Variants in UNC13A observed in about 807,000 individuals in gnomAD.
UNC13A encodes protein unc-13 homolog A.
Under a neutral mutation model 219.7 loss-of-function variants are expected in UNC13A, and 61 were observed. That is an observed-to-expected ratio of 0.28 (90% CI 0.23 to 0.34). The LOEUF (loss-of-function observed/expected upper bound fraction) is 0.34. UNC13A is among the 10% of genes least tolerant of loss of function. UNC13A has a pLI of 1.00. For missense variants in UNC13A, 1,476 were observed against 2,270.3 expected (o/e 0.65, Z 7.11); for synonymous variants, 920 against 884.6 (o/e 1.04, Z -0.71).
At position 17,659,725 on chromosome 19, in the gene UNC13A, C is replaced by T. The variant is rs971750137; in HGVS notation, c.560-1456G>A. Among the ~76,000 whole-genome samples, 6 of 151,992 alleles carry T rather than the reference C, an allele frequency of 3.9e-5. No homozygotes were observed. In the South Asian group the frequency reaches 1.0e-3, roughly 26 times the overall value. On this transcript the variant is annotated intron_variant, in intron 8 of 43. Coordinates refer to ENST00000519716, the MANE Select transcript of UNC13A (RefSeq NM_001080421.3). ...TCGAGGTAGCAGTGAGCTATGATTA[C>T]GCCTCTGCACTGCAGTCTGGGTGTC...
Position 17,648,456 on chromosome 19 carries a change from G to T in UNC13A, c.1791C>A (p.Asp597Glu). ...GCTGCAGGCAGTCGGCGTTGAGCAG[G>T]TCCTGGCACTTCTCGTGGCACTTGA... is the stretch of plus-strand genomic sequence containing the variant. ...CGVKCHEKCQ[D>E]LLNADCLQRA... The change falls in exon 16 of 44, where the codon GAC (aspartate) becomes GAA (glutamate). Residue 597 changes from aspartate (D) to glutamate (E), a missense_variant. Transcript: ENST00000519716. 6.2e-7 allele frequency: 1 copy of T among 1,607,204 alleles called. No individual in the cohort carries two copies. Among genetic ancestry groups the T allele is most frequent in the Non-Finnish European group, 8.5e-7 (1 of 1,179,204 alleles).
chr19:17,611,421 G>A (rs1353004345), intron 42 of UNC13A, among the ~76,000 whole-genome samples: 4 of 152,128 alleles, frequency 2.6e-5, no homozygotes, highest in Non-Finnish European at 4.4e-5. Flanking sequence ...GGCCTGATCC[G>A]CCAGCTTTGG....
chr19:17,625,107 G>C (rs981686464), intron 34 of UNC13A, among the ~76,000 whole-genome samples, 155 bp from the exon 35 acceptor site: 1 of 152,180 alleles, frequency 6.6e-6, no homozygotes, highest in African/African-American at 2.4e-5. Context: ...TATGATATCT[G>C]ATGCATGAAG....
In UNC13A at chr19:17,630,139, C is replaced by G; in HGVS notation, c.3669+6G>C. The G allele has an allele frequency of 6.4e-7, 1 of 1,551,844 alleles. No homozygotes were observed. On this transcript the variant is annotated splice_donor_region_variant and intron_variant, in intron 30 of 43. Transcript: ENST00000519716. The stretch of plus-strand genomic sequence containing the variant: ...CCTAGCCCCAACCCTACCCACTCTC[C>G]CACACCTTGGCAAAGCGCCTCATGT...
intron 2 of UNC13A, among the ~76,000 whole-genome samples, chr19:17,675,275 A>G (rs1308370275): frequency 4.6e-5 from 7 of 151,922 alleles, no homozygotes; most frequent in East Asian, 1.9e-4. Flanking sequence ...TTGAGGCTGT[A>G]GTAAAACATG....
In UNC13A at chr19:17,660,601, G is replaced by A. The variant is rs1185895572; in HGVS notation, c.560-2332C>T. On this transcript the variant is annotated intron_variant, in intron 8 of 43. Coordinates refer to ENST00000519716, the MANE Select transcript of UNC13A (RefSeq NM_001080421.3). ...GGCTGGAGTGCAATGGTACGATCTC[G>A]GCTCACTGCAGCCTCCACCTCCCAG... 2.0e-5 allele frequency among the ~76,000 whole-genome samples: 3 copies of A among 148,770 alleles called. No individual in the cohort carries two copies. In the East Asian group the frequency reaches 5.9e-4, roughly 29 times the overall value.
At position 17,656,201 on chromosome 19, in the gene UNC13A, T is replaced by A. The variant is rs774319285; in HGVS notation, c.965A>T (p.Glu322Val). The A allele has an allele frequency of 1.0e-5, 16 of 1,552,110 alleles. No individual in the cohort carries two copies. The highest frequency in any genetic ancestry group is 1.2e-5 in the Non-Finnish European group (14 of 1,147,124). Reference sequence around the variant, plus strand: ...GTCCTCCAGGTCCTCCTCCAGCTCTTCCTCATCCTGGTCCCAGCGAGGCGA... The same window carrying A: ...GTCCTCCAGGTCCTCCTCCAGCTCTACCTCATCCTGGTCCCAGCGAGGCGA... ...KDSPRWDQDE[E>V]ELEEDLEDFL... Residue 322 changes from glutamate to valine, a missense_variant, in exon 10 of 44, where the codon GAA becomes GTA. Physicochemically the swap from Glu to Val is moderately radical, Grantham distance 121. Transcript: ENST00000519716.
chr19:17,663,987 T>C (rs185835069), intron 7 of UNC13A, among the ~76,000 whole-genome samples: 219 of 150,848 alleles, frequency 1.5e-3, no homozygotes, highest in African/African-American at 4.8e-3. Flanking sequence ...GTGGTTTTCT[T>C]TTTGTTTTTT....
At chr19:17,640,891 T>C (rs569059032) in intron 21 of UNC13A, among the ~76,000 whole-genome samples, 2 of 151,010 alleles carry the variant, frequency 1.3e-5, no homozygotes, top group East Asian at 3.9e-4. Context: ...TTTTTTTTTT[T>C]TTTTTGAGAT....
intron 41 of UNC13A, chr19:17,616,292 C>CAA (rs2076661460): frequency 1.7e-6 from 1 of 592,190 alleles, no homozygotes; most frequent in African/African-American, 1.9e-5. Flanking sequence ...CAGGCCTGGG[C>CAA]GGCGGCCCTG....
intron 17 of UNC13A, among the ~76,000 whole-genome samples, 166 bp from the exon 18 acceptor site, chr19:17,646,277 T>G (rs77007027): frequency 2.3e-5 from 3 of 128,800 alleles, no homozygotes; most frequent in East Asian, 1.9e-4. Context: ...GTGTGTTTGT[T>G]TGTTTGTTTG....
chr19:17,638,206 G>A (rs1489601340), intron 25 of UNC13A, among the ~76,000 whole-genome samples: 1 of 152,166 alleles, frequency 6.6e-6, no homozygotes, highest in East Asian at 1.9e-4. Flanking sequence ...TACAGGTGGT[G>A]GCTCATGCCT....
chr19:17,609,124 AT>A (rs71162159), intron 43 of UNC13A, among the ~76,000 whole-genome samples: 40,379 of 128,240 alleles, frequency 0.31, 6,201 homozygotes, highest in African/African-American at 0.4. Context: ...CACCCGGCTA[AT>A]TTTTTTTTTT....
chr19:17,640,940 G>A (rs1188439924), intron 21 of UNC13A, among the ~76,000 whole-genome samples: 1 of 147,750 alleles, frequency 6.8e-6, no homozygotes, highest in Non-Finnish European at 1.5e-5. Flanking sequence ...GTTTAGTGGC[G>A]CAATCTCGGC....
chr19:17,681,951 ATTTTTTTT>A (rs397859270), intron 1 of UNC13A, among the ~76,000 whole-genome samples: 1 of 132,958 alleles, frequency 7.5e-6, no homozygotes, highest in African/African-American at 2.7e-5. Context: ...ATCATCATTG[ATTTTTTTT>A]TTTTTTTTTT....
intron 34 of UNC13A, among the ~76,000 whole-genome samples, 183 bp from the exon 35 acceptor site, chr19:17,625,135 T>C (rs1479399874): frequency 6.6e-6 from 1 of 152,096 alleles, no homozygotes; most frequent in Non-Finnish European, 1.5e-5. Flanking sequence ...TGAGTGGTGG[T>C]TGGACTAGTC....
intron 25 of UNC13A, among the ~76,000 whole-genome samples, chr19:17,637,074 TC>T (rs1257925709): frequency 6.6e-6 from 1 of 151,652 alleles, no homozygotes; most frequent in African/African-American, 2.4e-5. Flanking sequence ...ACTCCTGGGC[TC>T]AAGTGATCCT....
Position 17,656,325 on chromosome 19 carries a change from C to G in UNC13A, c.841G>C (p.Asp281His), listed in dbSNP as rs1399766071. Residue 281 changes from aspartate (D) to histidine (H), a missense_variant, in exon 10 of 44, where the codon GAC (aspartate) becomes CAC (histidine). By Grantham distance (81) the Asp-to-His change is moderately conservative. Around this residue, in one of 14 missense-constraint regions of UNC13A, gnomAD observed 351 missense variants for 342.6 expected, o/e 1.02. Coordinates refer to ENST00000519716, the MANE Select transcript of UNC13A (RefSeq NM_001080421.3). ...CCCTGCAGGCTGTGCTCGTCAGGGT[C>G]GAAGTCCTCGCTCAGCTGAGAGCTT... ...QGSSQLSEDF[D>H]PDEHSLQGSD... 12 of 1,557,648 alleles carry G rather than the reference C, an allele frequency of 7.7e-6. No individual in the cohort carries two copies. Among genetic ancestry groups the G allele is most frequent in the African/African-American group, 1.4e-5 (1 of 73,438 alleles).
In UNC13A at chr19:17,649,133, C is replaced by T. The variant is rs565235045; in HGVS notation, c.1525-150G>A. On this transcript the variant is annotated intron_variant, in intron 14 of 43. Transcript: ENST00000519716. The surrounding 1 kb of genome is among the most constrained non-coding windows in gnomAD (Gnocchi z 4.4). Reference sequence around the variant, plus strand: ...GGTCACCGACAGCATCCGGGCCAGACCCAACAAAGAATTAGGAGGTGACAG... The same window carrying T: ...GGTCACCGACAGCATCCGGGCCAGATCCAACAAAGAATTAGGAGGTGACAG... The T allele has an allele frequency of 8.4e-7, 1 of 1,195,316 alleles. No homozygotes were observed. The highest frequency in any genetic ancestry group is 1.5e-5 in the South Asian group (1 of 68,954). 74.0% of individuals were successfully genotyped at this position (1,195,316 alleles called of 1,614,324 possible). A position where few individuals can be genotyped will look rare whatever the true frequency, so the allele number is the denominator to read the frequency against.
Sources: allele counts gnomAD v4.1 joint callset (sites outside exome capture counted in the v4.1 genomes callset), GRCh38; gene constraint gnomAD v4.1.1; regional missense constraint gnomAD v4.1.1; non-coding constraint Gnocchi (gnomAD v3.1); transcripts MANE v1.5; gene names NCBI Gene and HGNC (gene_info 2026-07-23, HGNC 2026-07-21).